Variants in IGSF5 observed in about 807,000 individuals in gnomAD.
IGSF5 encodes the protein immunoglobulin superfamily member 5.
Under a neutral mutation model 39.4 loss-of-function variants are expected in IGSF5, and 41 were observed. That is an observed-to-expected ratio of 1.04 (90% CI 0.81 to 1.35). IGSF5 has a LOEUF of 1.35. Ranked by LOEUF, IGSF5 falls within the 40% of genes most tolerant of loss-of-function variation. The pLI, the probability that IGSF5 is intolerant of heterozygous loss-of-function variation, is 0.00. For missense variants in IGSF5, 487 were observed against 494.6 expected (o/e 0.98, Z 0.15); for synonymous variants, 183 against 175.3 (o/e 1.04, Z -0.34).
the IGSF5 span, among the ~76,000 whole-genome samples, chr21:39,715,163 G>T: frequency 2.0e-5 from 3 of 151,376 alleles, no homozygotes; most frequent in Admixed American, 1.3e-4. Context: ...TGTCACCCAG[G>T]CTGGAATGCA....
intron 2 of IGSF5, among the ~76,000 whole-genome samples, chr21:39,758,593 C>A (rs1228106445): frequency 6.6e-6 from 1 of 152,186 alleles, no homozygotes; most frequent in Non-Finnish European, 1.5e-5. Flanking sequence ...GTGTGTGACA[C>A]TTCCTCTTCC....
chr21:39,767,682 T>G (rs1345854479), intron 3 of IGSF5, among the ~76,000 whole-genome samples: 1 of 152,222 alleles, frequency 6.6e-6, no homozygotes, highest in Non-Finnish European at 1.5e-5. Flanking sequence ...AAGACACAGT[T>G]TCTTTCTTTA....
intron 6 of IGSF5, among the ~76,000 whole-genome samples, chr21:39,791,177 C>T (rs1016720388): frequency 7.9e-5 from 12 of 152,292 alleles, no homozygotes; most frequent in East Asian, 7.7e-4. Flanking sequence ...CTTACACTCC[C>T]GCTAGCAGTG....
At chr21:39,747,382 A>G (rs964735864) in intron 2 of IGSF5, among the ~76,000 whole-genome samples, 1 of 152,176 alleles carries the variant, frequency 6.6e-6, no homozygotes, top group Non-Finnish European at 1.5e-5. Flanking sequence ...TTATGGGAGG[A>G]CAATTCAAGA....
At chr21:39,715,446 G>C in the IGSF5 span, among the ~76,000 whole-genome samples, 23,894 of 152,164 alleles carry the variant, frequency 0.16, 2,470 homozygotes, top group Middle Eastern at 0.4. Flanking sequence ...TGCTATAAAG[G>C]CCTCTTTCTA....
the IGSF5 span, among the ~76,000 whole-genome samples, chr21:39,718,667 GT>G: frequency 6.6e-6 from 1 of 152,182 alleles, no homozygotes; most frequent in Non-Finnish European, 1.5e-5. Flanking sequence ...ATTTTCATAT[GT>G]TGAACCAGGC....
chr21:39,744,551 C>T (rs185355683), upstream of IGSF5, among the ~76,000 whole-genome samples: 19 of 152,284 alleles, frequency 1.2e-4, no homozygotes, highest in African/African-American at 4.6e-4. Flanking sequence ...CTGGGAGGAA[C>T]CATCTATCAT....
intron 4 of IGSF5, among the ~76,000 whole-genome samples, chr21:39,773,093 C>A (rs918937516): frequency 1.3e-5 from 2 of 151,910 alleles, no homozygotes; most frequent in East Asian, 1.9e-4. Flanking sequence ...AGCCTAGTAC[C>A]CATTAGTTAT....
the IGSF5 span, among the ~76,000 whole-genome samples, chr21:39,734,549 T>C: frequency 6.6e-6 from 1 of 152,086 alleles, no homozygotes; most frequent in African/African-American, 2.4e-5. Context: ...CCTATTTATC[T>C]CTCTCTCCTC....
At chr21:39,801,089 C>T (rs2087025981) in intron 8 of IGSF5, among the ~76,000 whole-genome samples, 173 bp from the exon 9 acceptor site, 1 of 152,208 alleles carries the variant, frequency 6.6e-6, no homozygotes, top group Admixed American at 6.5e-5. Context: ...TGGAAAACTT[C>T]TATATTGTGT....
intron 4 of IGSF5, among the ~76,000 whole-genome samples, chr21:39,776,911 T>A (rs2080144455): frequency 6.6e-6 from 1 of 152,180 alleles, no homozygotes; most frequent in African/African-American, 2.4e-5. Context: ...ATATGCAAAC[T>A]TCAGTTCGTA....
At chr21:39,740,349 C>T (rs192525311), upstream of IGSF5, among the ~76,000 whole-genome samples, 94 of 152,264 alleles carry the variant, frequency 6.2e-4, no homozygotes, top group East Asian at 2.1e-3. Context: ...GGTTTCTGTA[C>T]GGCCAATAAT....
At chr21:39,773,827 A>G (rs188384566) in intron 4 of IGSF5, among the ~76,000 whole-genome samples, 10 of 152,346 alleles carry the variant, frequency 6.6e-5, no homozygotes, top group African/African-American at 2.4e-4. Flanking sequence ...AATGGAATAA[A>G]ATGGACTGGT....
chr21:39,746,824 C>G (rs1454068496), intron 2 of IGSF5, among the ~76,000 whole-genome samples: 1 of 152,126 alleles, frequency 6.6e-6, no homozygotes, highest in Non-Finnish European at 1.5e-5. Context: ...TTTTTATTGC[C>G]TACTATTACA....
Position 39,788,339 on chromosome 21 carries a change from C to T in IGSF5, c.956+151C>T, listed in dbSNP as rs147012493. On this transcript the variant is annotated intron_variant, in intron 6 of 8. Transcript: ENST00000380588. Reference sequence around the variant, plus strand: ...CAGAGGTAGACAATGCTGAAAAACACGTATGCCGATCACAAACTCATAGGG... The same window carrying T: ...CAGAGGTAGACAATGCTGAAAAACATGTATGCCGATCACAAACTCATAGGG... The T allele has an allele frequency of 1.4e-3, 856 of 620,198 alleles. 5 individuals carry two copies. The highest frequency in any genetic ancestry group is 0.013 in the East Asian group (436 of 34,590). 38.4% of individuals were successfully genotyped at this position (620,198 alleles called of 1,614,324 possible). A position where few individuals can be genotyped will look rare whatever the true frequency, so the allele number is the denominator to read the frequency against.
intron 6 of IGSF5, 94 bp downstream of exon 6, chr21:39,788,282 T>A (rs1321273930): frequency 1.1e-6 from 1 of 922,286 alleles, no homozygotes; most frequent in African/African-American, 1.7e-5. Context: ...AACTGCGGGA[T>A]TTTTGGATTT....
chr21:39,791,805 T>C (rs1302016847), intron 6 of IGSF5: 1 of 508,982 alleles, frequency 2.0e-6, no homozygotes, highest in Non-Finnish European at 3.6e-6. Context: ...AACTTTCATC[T>C]CTCCCCATAA....
intron 4 of IGSF5, among the ~76,000 whole-genome samples, chr21:39,778,658 C>T (rs544854238): frequency 6.6e-6 from 1 of 152,314 alleles, no homozygotes; most frequent in East Asian, 1.9e-4. Context: ...GGGCGCTGGA[C>T]TCTCAATGAG....
chr21:39,778,308 G>A lies in IGSF5; in HGVS notation c.719-782G>A, dbSNP rs368771980. Among the ~76,000 whole-genome samples, 63 of 152,282 alleles carry A rather than the reference G, an allele frequency of 4.1e-4. No individual in the cohort carries two copies. In the South Asian group the frequency reaches 0.012, roughly 30 times the overall value. The stretch of plus-strand genomic sequence containing the variant: ...TCATACTTTTAATTAACTTAAATTT[G>A]AATTTGGATGATCATGTGAAGCCAC... On this transcript the variant is annotated intron_variant, in intron 4 of 8. Transcript: ENST00000380588.
Sources: gnomAD v4.1 joint callset for allele counts (sites outside exome capture counted in the v4.1 genomes callset) on GRCh38, gnomAD v4.1.1 for gene constraint, MANE v1.5 for transcripts, NCBI Gene and HGNC (gene_info 2026-07-23, HGNC 2026-07-21) for gene names.